TGFA: variants seen among roughly 807,000 people sequenced by gnomAD.
TGFA encodes the protein protransforming growth factor alpha.
In TGFA, 12 loss-of-function variants were observed where a neutral mutation model predicts 21.7. The observed-to-expected ratio is 0.55, with a 90% CI of 0.35 to 0.90. TGFA has a LOEUF of 0.90. Among genes scored for constraint, TGFA ranks in the 40% least tolerant of loss-of-function variants. The pLI is 0.01. For synonymous variants in TGFA, 79 were observed against 88.1 expected (o/e 0.90, Z 0.58); for missense variants, 178 against 210.8 (o/e 0.84, Z 0.96).
intron 1 of TGFA, among the ~76,000 whole-genome samples, chr2:70,548,870 G>GT (rs149318890): frequency 0.11 from 16,279 of 152,156 alleles, 960 homozygotes; most frequent in Middle Eastern, 0.19. Flanking sequence ...CTAAGAGATG[G>GT]TTTTGGTAGT....
intron 2 of TGFA, among the ~76,000 whole-genome samples, chr2:70,478,793 A>G (rs1251116205): frequency 6.6e-6 from 1 of 152,182 alleles, no homozygotes; most frequent in Non-Finnish European, 1.5e-5. Context: ...TATTTTTAGT[A>G]GGTTGCCTTT....
At chr2:70,514,208 T>G (rs1212476171) in intron 2 of TGFA, among the ~76,000 whole-genome samples, 2 of 152,126 alleles carry the variant, frequency 1.3e-5, no homozygotes, top group South Asian at 4.1e-4. Flanking sequence ...CCCCAACATT[T>G]GAGCTTAAAA....
At chr2:70,451,516 C>T (rs150331494) in intron 5 of TGFA, among the ~76,000 whole-genome samples, 2 of 152,064 alleles carry the variant, frequency 1.3e-5, no homozygotes, top group Non-Finnish European at 2.9e-5. Context: ...GGACTTCAGC[C>T]CAGGTTGCCA....
At chr2:70,500,931 C>G (rs1553499035) in intron 2 of TGFA, among the ~76,000 whole-genome samples, 1 of 150,440 alleles carries the variant, frequency 6.6e-6, no homozygotes, top group Non-Finnish European at 1.5e-5. Context: ...ATCCTTTTCT[C>G]TATTTTGTTT....
At chr2:70,547,560 A>C (rs781975139) in intron 1 of TGFA, among the ~76,000 whole-genome samples, 4 of 132,120 alleles carry the variant, frequency 3.0e-5, no homozygotes, top group Non-Finnish European at 4.9e-5. Context: ...AAAAAAAAAA[A>C]CATGAAAAAC....
At chr2:70,539,596 AG>A (rs1200105137) in intron 1 of TGFA, among the ~76,000 whole-genome samples, 3 of 152,096 alleles carry the variant, frequency 2.0e-5, no homozygotes, top group Non-Finnish European at 4.4e-5. Context: ...CTGGGATTAC[AG>A]GCACCTGCCA....
chr2:70,459,805 T>C (rs1339398604), intron 3 of TGFA, among the ~76,000 whole-genome samples: 1 of 152,128 alleles, frequency 6.6e-6, no homozygotes, highest in Non-Finnish European at 1.5e-5. Flanking sequence ...TGCCTATCAC[T>C]CTAGTGTTAA....
chr2:70,547,563 T>A (rs6720937), intron 1 of TGFA, among the ~76,000 whole-genome samples: 1 of 143,292 alleles, frequency 7.0e-6, no homozygotes. Flanking sequence ...AAAAAAAACA[T>A]GAAAAACAAA....
In TGFA at chr2:70,518,437, G is replaced by A. The variant is rs141711321; in HGVS notation, c.41-3525C>T. Among the ~76,000 whole-genome samples the A allele has an allele frequency of 7.6e-3, 1,162 of 152,274 alleles. 10 individuals are homozygous for A. Among genetic ancestry groups the A allele is most frequent in the African/African-American group, 0.027 (1,105 of 41,546 alleles). Reference sequence around the variant, plus strand: ...AAGGACAAGTGTTGCCATGCTTATCGTTCAGCTGTTTGGTACTCAGGTAAA... The same window carrying A: ...AAGGACAAGTGTTGCCATGCTTATCATTCAGCTGTTTGGTACTCAGGTAAA... On this transcript the variant is annotated intron_variant, in intron 1 of 5. Transcript: ENST00000295400.
intron 3 of TGFA, among the ~76,000 whole-genome samples, chr2:70,458,192 C>T (rs1302755680): frequency 6.6e-6 from 1 of 152,058 alleles, no homozygotes; most frequent in Non-Finnish European, 1.5e-5. Flanking sequence ...AGGCACTGGC[C>T]CTTTCCTATG....
At chr2:70,543,962 A>G (rs1673213462) in intron 1 of TGFA, among the ~76,000 whole-genome samples, 1 of 152,232 alleles carries the variant, frequency 6.6e-6, no homozygotes, top group Admixed American at 6.5e-5. Context: ...AGTTTATTTC[A>G]AGAATTTAAA....
intron 2 of TGFA, among the ~76,000 whole-genome samples, chr2:70,476,373 G>A (rs1670935662): frequency 6.6e-6 from 1 of 152,206 alleles, no homozygotes. Flanking sequence ...GAATGTGAAT[G>A]GCTCTGGGAA....
At chr2:70,479,578 G>A (rs1385330331) in intron 2 of TGFA, among the ~76,000 whole-genome samples, 3 of 152,086 alleles carry the variant, frequency 2.0e-5, no homozygotes, top group Non-Finnish European at 4.4e-5. Flanking sequence ...GATTGTGTCA[G>A]CCTTAGTTTT....
At chr2:70,552,185 G>A (rs1156266612) in intron 1 of TGFA, among the ~76,000 whole-genome samples, 2 of 130,640 alleles carry the variant, frequency 1.5e-5, no homozygotes, top group Admixed American at 8.2e-5. Flanking sequence ...ACTTACTGTG[G>A]ACCCTGTGTG....
intron 1 of TGFA, among the ~76,000 whole-genome samples, chr2:70,533,191 G>A (rs782426313): frequency 6.6e-6 from 1 of 152,128 alleles, no homozygotes; most frequent in Non-Finnish European, 1.5e-5. Flanking sequence ...GGAAAACAGC[G>A]TCTTTTCCTT....
chr2:70,454,841 TCCTGTTTCC>T (rs1670177009), intron 4 of TGFA, among the ~76,000 whole-genome samples: 1 of 152,184 alleles, frequency 6.6e-6, no homozygotes, highest in African/African-American at 2.4e-5. Flanking sequence ...CCTAGATCAT[TCCTGTTTCC>T]AGACAATCTG....
Position 70,464,314 on chromosome 2 carries a change from G to A in TGFA, c.215+1302C>T, listed in dbSNP as rs571599930. 2.1e-3 allele frequency among the ~76,000 whole-genome samples: 316 copies of A among 152,302 alleles called. 2 individuals carry two copies. The Middle Eastern group carries it at 0.024, about 11-fold the overall frequency. ...AGTATGATTAAATGAGTTAGCACAC[G>A]GATTGTACTTCAAACAGTACTTGAC... On this transcript the variant is annotated intron_variant, in intron 3 of 5. Transcript: ENST00000295400.
chr2:70,515,651 C>T (rs1553501505), intron 1 of TGFA, among the ~76,000 whole-genome samples: 1 of 152,166 alleles, frequency 6.6e-6, no homozygotes, highest in Non-Finnish European at 1.5e-5. Context: ...AAGCAGCTCA[C>T]CCCTCTCTAG....
intron 1 of TGFA, among the ~76,000 whole-genome samples, chr2:70,522,656 A>C (rs1553502470): frequency 6.6e-6 from 1 of 152,108 alleles, no homozygotes; most frequent in African/African-American, 2.4e-5. Context: ...GCTGGTCTTA[A>C]ACTCCCGACC....
Sources: allele counts gnomAD v4.1 joint callset (sites outside exome capture counted in the v4.1 genomes callset), GRCh38; gene constraint gnomAD v4.1.1; transcripts MANE v1.5; gene names NCBI Gene and HGNC (gene_info 2026-07-23, HGNC 2026-07-21).